The following SFXN5 variants were observed in gnomAD, a reference collection of about 807,000 sequenced individuals.
The protein encoded by SFXN5 is sideroflexin 5, also known as sideroflexin-5.
SFXN5 carries 43 observed loss-of-function variants against 50.2 expected under a neutral mutation model. The ratio of observed to expected loss-of-function variants is 0.86; its 90% CI spans 0.67 to 1.11. SFXN5 has a LOEUF of 1.11. SFXN5 is among the 50% of genes least tolerant of loss of function. SFXN5 has a pLI of 0.00. For missense variants in SFXN5, 463 were observed against 454.1 expected (o/e 1.02, Z -0.18); for synonymous variants, 203 against 185.8 (o/e 1.09, Z -0.75).
At chr2:73,011,539 C>T (rs1675492798) in intron 6 of SFXN5, among the ~76,000 whole-genome samples, 1 of 152,040 alleles carries the variant, frequency 6.6e-6, no homozygotes. Context: ...GATTAATGTC[C>T]AAAATACATA....
chr2:72,987,343 C>T (rs1672039236), intron 10 of SFXN5, among the ~76,000 whole-genome samples: 1 of 151,714 alleles, frequency 6.6e-6, no homozygotes, highest in Non-Finnish European at 1.5e-5. Flanking sequence ...CTCCTGACCT[C>T]ATGATCCGCC....
At chr2:73,032,172 G>A (rs907498587) in intron 3 of SFXN5, among the ~76,000 whole-genome samples, 2 of 152,186 alleles carry the variant, frequency 1.3e-5, no homozygotes, top group East Asian at 3.8e-4. Context: ...TCATCCTAGG[G>A]TGTCAAGAGT....
chr2:72,962,278 C>T lies in SFXN5; in HGVS notation c.828-1030G>A, dbSNP rs532210279. On this transcript the variant is annotated intron_variant, in intron 12 of 13. Transcript: ENST00000272433. ...AGGGGAAATAATCCAGGCTCTTATC[C>T]GCCGCCCCCAGCAGGGCTGACCATG... 3.9e-5 allele frequency among the ~76,000 whole-genome samples: 6 copies of T among 152,334 alleles called. No individual in the cohort carries two copies. In the East Asian group the frequency reaches 7.7e-4, roughly 20 times the overall value.
chr2:73,056,227 G>A (rs371261254), intron 2 of SFXN5, among the ~76,000 whole-genome samples: 8 of 152,102 alleles, frequency 5.3e-5, no homozygotes, highest in Non-Finnish European at 1.2e-4. Flanking sequence ...TAAAAAGTCC[G>A]TCAAATTAGC....
chr2:73,005,398 C>G lies in SFXN5; in HGVS notation c.358-3820G>C, dbSNP rs570412079. Among the ~76,000 whole-genome samples the G allele has an allele frequency of 3.3e-5, 5 of 152,322 alleles. No individual in the cohort carries two copies. In the East Asian group the frequency reaches 9.6e-4, roughly 29 times the overall value. On this transcript the variant is annotated intron_variant, in intron 6 of 13. Coordinates refer to ENST00000272433, the MANE Select transcript of SFXN5 (RefSeq NM_144579.3). ...ACGCTCAGGCTCTGGTTGTCAAATG[C>G]TGGTGCCAGCATTTACCAGCTATGT...
chr2:72,944,963 G>T lies in SFXN5; in HGVS notation c.*59C>A. The T allele has an allele frequency of 1.3e-6, 2 of 1,533,278 alleles. No homozygotes were observed. The highest frequency in any genetic ancestry group is 2.3e-5 in the East Asian group (1 of 43,492). The allele number at this position is 1,533,278 out of a possible 1,614,324, so 95.0% of individuals were successfully genotyped here. A position where few individuals can be genotyped will look rare whatever the true frequency, so the allele number is the denominator to read the frequency against. The stretch of plus-strand genomic sequence containing the variant: ...CCTGCAGGTGCAGCCGTGAGTCTAC[G>T]GCCCTGCCCCTCAGCTCCCCGGCTG... On this transcript the variant is annotated 3_prime_UTR_variant, in exon 14 of 14. Transcript: ENST00000272433.
chr2:73,032,919 G>T (rs1292770620), intron 3 of SFXN5, among the ~76,000 whole-genome samples: 1 of 152,156 alleles, frequency 6.6e-6, no homozygotes, highest in Non-Finnish European at 1.5e-5. Context: ...TGTACCTATT[G>T]CAAGTCTATG....
chr2:73,039,781 T>TTATTG (rs1382684259), intron 3 of SFXN5, among the ~76,000 whole-genome samples: 2 of 126,208 alleles, frequency 1.6e-5, no homozygotes, highest in Non-Finnish European at 3.0e-5. Context: ...AAGCACTATT[T>TTATTG]TATTTTATTT....
chr2:73,016,990 CA>C (rs2105802144), intron 6 of SFXN5, among the ~76,000 whole-genome samples: 1 of 152,264 alleles, frequency 6.6e-6, no homozygotes, highest in East Asian at 1.9e-4. Context: ...CACTGCCCAG[CA>C]TGGTGAAAGT....
At chr2:72,982,402 A>G (rs1052534955) in intron 10 of SFXN5, among the ~76,000 whole-genome samples, 4 of 152,262 alleles carry the variant, frequency 2.6e-5, no homozygotes, top group African/African-American at 9.6e-5. Context: ...CCAGGTAGCT[A>G]CAGAATCTGG....
intron 2 of SFXN5, among the ~76,000 whole-genome samples, chr2:73,047,831 T>C (rs1000938201): frequency 3.3e-5 from 5 of 152,212 alleles, no homozygotes; most frequent in African/African-American, 1.2e-4. Context: ...ATCTAAAGTC[T>C]TTCATCTGGA....
At chr2:72,962,350 C>T (rs1307853510) in intron 12 of SFXN5, among the ~76,000 whole-genome samples, 2 of 152,242 alleles carry the variant, frequency 1.3e-5, no homozygotes, top group South Asian at 2.1e-4. Context: ...CCCAATGTGG[C>T]GGGCAGTAAA....
At chr2:72,995,664 C>T (rs1420252136) in intron 9 of SFXN5, among the ~76,000 whole-genome samples, 1 of 152,088 alleles carries the variant, frequency 6.6e-6, no homozygotes, top group Admixed American at 6.6e-5. Flanking sequence ...CCACTGGGGC[C>T]GTGACACTTG....
intron 3 of SFXN5, among the ~76,000 whole-genome samples, chr2:73,032,944 C>T (rs191711732): frequency 2.5e-4 from 38 of 152,246 alleles, no homozygotes; most frequent in African/African-American, 9.1e-4. Flanking sequence ...GTGAGGGTAC[C>T]CCCAATTCTA....
intron 10 of SFXN5, among the ~76,000 whole-genome samples, chr2:72,978,453 T>C (rs1670907110): frequency 6.6e-6 from 1 of 151,982 alleles, no homozygotes; most frequent in Non-Finnish European, 1.5e-5. Context: ...CAGCTAATTT[T>C]TGTATTTTTA....
chr2:72,946,930 T>C (rs1489925092), intron 13 of SFXN5, among the ~76,000 whole-genome samples: 1 of 152,172 alleles, frequency 6.6e-6, no homozygotes, highest in African/African-American at 2.4e-5. Context: ...CATGGACTGA[T>C]TTTGGTTCCT....
intron 9 of SFXN5, among the ~76,000 whole-genome samples, chr2:72,991,381 G>A (rs1028884516): frequency 1.3e-5 from 2 of 152,274 alleles, no homozygotes; most frequent in African/African-American, 2.4e-5. Context: ...CATGGCCAAC[G>A]TGCCTGCGCC....
chr2:73,015,535 G>T (rs1251514630), intron 6 of SFXN5, among the ~76,000 whole-genome samples: 1 of 151,702 alleles, frequency 6.6e-6, no homozygotes, highest in Non-Finnish European at 1.5e-5. Context: ...GCCCAGGCTG[G>T]TCTCAAACTC....
At chr2:73,029,769 C>T (rs1678062478) in intron 3 of SFXN5, among the ~76,000 whole-genome samples, 1 of 152,208 alleles carries the variant, frequency 6.6e-6, no homozygotes, top group South Asian at 2.1e-4. Flanking sequence ...GATTAAGTGA[C>T]TTGCCCAAAG....
Sources: allele counts gnomAD v4.1 joint callset (sites outside exome capture counted in the v4.1 genomes callset), GRCh38; gene constraint gnomAD v4.1.1; transcripts MANE v1.5; gene names NCBI Gene and HGNC (gene_info 2026-07-23, HGNC 2026-07-21).